The following RALYL variants were observed in gnomAD, a reference collection of about 807,000 sequenced individuals.
RALYL encodes RALY RNA binding protein like.
RALYL carries 29 observed loss-of-function variants against 35.1 expected under a neutral mutation model. The ratio of observed to expected loss-of-function variants is 0.83; its 90% CI spans 0.61 to 1.13. RALYL has a LOEUF of 1.13. Ranked by LOEUF, RALYL falls within the 50% of genes most tolerant of loss-of-function variation. RALYL has a pLI of 0.00. For synonymous variants in RALYL, 120 were observed against 127.6 expected, an observed-to-expected ratio of 0.94 and a Z score of 0.40; for missense variants, 359 against 360.4, an observed-to-expected ratio of 1.00 and a Z score of 0.03.
chr8:84,731,941 C>G (rs990595529), intron 2 of RALYL, among the ~76,000 whole-genome samples: 3 of 152,008 alleles, frequency 2.0e-5, no homozygotes, highest in African/African-American at 7.2e-5. Flanking sequence ...ATGCTGTTCC[C>G]TTTCCTAAAA....
intron 2 of RALYL, among the ~76,000 whole-genome samples, chr8:84,773,859 T>C (rs1008921603): frequency 6.6e-6 from 1 of 152,238 alleles, no homozygotes; most frequent in Non-Finnish European, 1.5e-5. Context: ...CAAATGTTTA[T>C]GCATACTGAA....
At chr8:84,778,692 G>A (rs183119750) in intron 3 of RALYL, among the ~76,000 whole-genome samples, 3 of 152,306 alleles carry the variant, frequency 2.0e-5, no homozygotes, top group Non-Finnish European at 1.5e-5. Flanking sequence ...GCATTATGGT[G>A]CCCAGGCTGT....
chr8:84,781,111 C>A (rs763000609), intron 3 of RALYL, among the ~76,000 whole-genome samples: 6 of 152,182 alleles, frequency 3.9e-5, no homozygotes, highest in Non-Finnish European at 7.4e-5. Flanking sequence ...AATCTGCCCG[C>A]CTCAGCCTCC....
intron 2 of RALYL, among the ~76,000 whole-genome samples, chr8:84,552,959 G>T (rs532141241): frequency 6.6e-6 from 1 of 152,074 alleles, no homozygotes; most frequent in East Asian, 1.9e-4. Flanking sequence ...TTGAATGGGC[G>T]CAAGGAGGGA....
intron 3 of RALYL, among the ~76,000 whole-genome samples, chr8:84,782,509 ATTCT>A (rs1467398320): frequency 6.6e-6 from 1 of 152,230 alleles, no homozygotes; most frequent in Non-Finnish European, 1.5e-5. Context: ...CAGGCAACTG[ATTCT>A]TTCTAACTGT....
rs370577248 is a variant in RALYL at position 84,862,452 on chromosome 8, A to G, written c.570A>G (p.Lys190=). Reference sequence around the variant, plus strand: ...CTGCCAGTGGGTCAACAGGTTCTAAATGTAAGTAATGTCCTTCATTTTATT... The same window carrying G: ...CTGCCAGTGGGTCAACAGGTTCTAAGTGTAAGTAATGTCCTTCATTTTATT... ...RSTASGSTGS[K]LKSDELQTIK... is the part of the protein sequence containing the mutation. The change falls in exon 6 of 9, where the codon AAA becomes AAG. Residue 190 remains lysine (K), a splice_region_variant and synonymous_variant. Coordinates refer to ENST00000521268, the MANE Select transcript of RALYL (RefSeq NM_173848.7). 44 of 1,574,794 alleles carry G rather than the reference A, an allele frequency of 2.8e-5. No individual in the cohort carries two copies. In the African/African-American group the frequency reaches 5.1e-4, roughly 18 times the overall value.
chr8:84,848,248 A>C, intron 4 of RALYL, among the ~76,000 whole-genome samples: 1 of 152,136 alleles, frequency 6.6e-6, no homozygotes. Flanking sequence ...GAAACAGCCA[A>C]GTGTCTATCA....
chr8:84,214,434 TA>T (rs1398778965), intron 1 of RALYL, among the ~76,000 whole-genome samples: 1 of 152,134 alleles, frequency 6.6e-6, no homozygotes, highest in Non-Finnish European at 1.5e-5. Context: ...GAATATATAA[TA>T]TTTGCATATA....
At chr8:84,324,629 T>A (rs1563735050) in intron 1 of RALYL, among the ~76,000 whole-genome samples, 1 of 152,006 alleles carries the variant, frequency 6.6e-6, no homozygotes, top group Admixed American at 6.6e-5. Flanking sequence ...TTTATTTTTT[T>A]AAAAAATTAA....
At chr8:84,824,271 A>AAT (rs1554606711) in intron 4 of RALYL, among the ~76,000 whole-genome samples, 4 of 151,880 alleles carry the variant, frequency 2.6e-5, no homozygotes, top group African/African-American at 9.7e-5. Flanking sequence ...GCAAAAAAAA[A>AAT]AATAAGTCAG....
intron 1 of RALYL, among the ~76,000 whole-genome samples, chr8:84,301,269 C>T (rs1318849897): frequency 2.6e-5 from 4 of 151,950 alleles, no homozygotes; most frequent in African/African-American, 4.8e-5. Flanking sequence ...CAATGGGGTT[C>T]CCTTTGTAGG....
intron 1 of RALYL, among the ~76,000 whole-genome samples, chr8:84,408,212 A>AT (rs1257483918): frequency 2.6e-5 from 4 of 152,054 alleles, no homozygotes; most frequent in South Asian, 2.1e-4. Context: ...AATGGAAGGA[A>AT]TTTTTTCAGA....
chr8:84,873,473 C>T, intron 7 of RALYL, 76 bp downstream of exon 7: 1 of 813,792 alleles, frequency 1.2e-6, no homozygotes, highest in East Asian at 2.7e-5. Context: ...AGTACAGGGC[C>T]AGGAAGACAC....
intron 2 of RALYL, chr8:84,679,349 G>T (rs191543045): frequency 3.7e-6 from 1 of 268,840 alleles, no homozygotes; most frequent in Admixed American, 4.3e-5. Context: ...TTGAGACATT[G>T]TAAGTAGTTG....
chr8:84,699,316 T>C (rs983832664), intron 2 of RALYL, among the ~76,000 whole-genome samples: 1 of 152,136 alleles, frequency 6.6e-6, no homozygotes. Flanking sequence ...AAAAGATCTC[T>C]AGGGAGCATG....
At chr8:84,893,408 T>C in intron 8 of RALYL, among the ~76,000 whole-genome samples, 1 of 152,212 alleles carries the variant, frequency 6.6e-6, no homozygotes, top group African/African-American at 2.4e-5. Flanking sequence ...ACCAAATCTG[T>C]ATTCCCCTTT....
intron 5 of RALYL, 124 bp downstream of exon 5, chr8:84,850,151 A>C: frequency 2.1e-6 from 1 of 473,368 alleles, no homozygotes. Flanking sequence ...TTAAAAATAA[A>C]ATACTAAATC....
chr8:84,282,231 T>C (rs1836715695), intron 1 of RALYL, among the ~76,000 whole-genome samples: 1 of 151,430 alleles, frequency 6.6e-6, no homozygotes, highest in Non-Finnish European at 1.5e-5. Context: ...ACATGTAGCG[T>C]TGAAAAATTA....
At chr8:84,483,666 G>A (rs564109474) in intron 1 of RALYL, among the ~76,000 whole-genome samples, 22 of 152,152 alleles carry the variant, frequency 1.4e-4, no homozygotes, top group Admixed American at 9.2e-4. Context: ...AAGATGAGAC[G>A]ATTAATTGGG....
Sources: gnomAD v4.1 joint callset for allele counts (sites outside exome capture counted in the v4.1 genomes callset) on GRCh38, gnomAD v4.1.1 for gene constraint, MANE v1.5 for transcripts, NCBI Gene and HGNC (gene_info 2026-07-23, HGNC 2026-07-21) for gene names.